PTPN22: variants seen among roughly 807,000 people sequenced by gnomAD.
PTPN22 encodes the protein tyrosine-protein phosphatase non-receptor type 22.
PTPN22 carries 85 observed loss-of-function variants against 103.3 expected under a neutral mutation model. The observed-to-expected ratio is 0.82, with a 90% CI of 0.69 to 0.99. PTPN22 has a LOEUF of 0.99. PTPN22 is among the 50% of genes least tolerant of loss of function. The pLI, the probability that PTPN22 is intolerant of heterozygous loss-of-function variation, is 0.00. For missense variants in PTPN22, 865 were observed against 936.9 expected (o/e 0.92, Z 1.00); for synonymous variants, 323 against 310.2 (o/e 1.04, Z -0.43).
intron 19 of PTPN22, among the ~76,000 whole-genome samples, chr1:113,822,778 G>A (rs1310373079): frequency 6.6e-6 from 1 of 152,122 alleles, no homozygotes; most frequent in African/African-American, 2.4e-5. Flanking sequence ...TGGCCAACAC[G>A]GTGAAACCTT....
chr1:113,864,942 A>G (rs951132305), intron 1 of PTPN22, among the ~76,000 whole-genome samples: 5 of 152,044 alleles, frequency 3.3e-5, no homozygotes, highest in African/African-American at 1.2e-4. Context: ...ACCAAATGTT[A>G]TCTAGGTAAA....
At chr1:113,813,878 A>G (rs188708951) in exon 21 of PTPN22, 2 of 152,502 alleles carry the variant, frequency 1.3e-5, no homozygotes, top group African/African-American at 4.8e-5. Flanking sequence ...GACAGATAAT[A>G]ATACTTCATT....
At chr1:113,832,859 A>T (rs973819626) in intron 16 of PTPN22, 1 of 337,452 alleles carries the variant, frequency 3.0e-6, no homozygotes, top group Non-Finnish European at 5.4e-6. Flanking sequence ...CAAAGTTTTA[A>T]AAGATTCTCT....
intron 9 of PTPN22, 142 bp from the exon 10 acceptor site, chr1:113,852,246 GA>G: frequency 1.6e-6 from 1 of 625,362 alleles, no homozygotes; most frequent in Non-Finnish European, 2.8e-6. Context: ...TAAAACAAAT[GA>G]GGTTTCTTAT....
intron 20 of PTPN22, among the ~76,000 whole-genome samples, chr1:113,816,065 T>G (rs1661121509): frequency 6.6e-6 from 1 of 152,204 alleles, no homozygotes; most frequent in Non-Finnish European, 1.5e-5. Context: ...TATAGGGGAA[T>G]AATAAAATGA....
chr1:113,829,402 G>A (rs1662357402), intron 18 of PTPN22, among the ~76,000 whole-genome samples, 190 bp downstream of exon 18: 1 of 152,090 alleles, frequency 6.6e-6, no homozygotes, highest in South Asian at 2.1e-4. Flanking sequence ...CTCTCCCTCT[G>A]ACAAATGCCT....
At chr1:113,828,526 T>C (rs915189272) in intron 18 of PTPN22, among the ~76,000 whole-genome samples, 5 of 152,236 alleles carry the variant, frequency 3.3e-5, no homozygotes, top group Non-Finnish European at 7.3e-5. Flanking sequence ...TCCCCTGATT[T>C]TGAGATACCA....
chr1:113,852,131 C>T (rs546719377), intron 9 of PTPN22, 27 bp from the exon 10 acceptor site: 241 of 1,508,742 alleles, frequency 1.6e-4, no homozygotes, highest in Non-Finnish European at 2.1e-4. Flanking sequence ...GAAAATATTC[C>T]TTTCAATATT....
chr1:113,842,341 T>A (rs907504408), intron 11 of PTPN22, among the ~76,000 whole-genome samples: 1 of 152,016 alleles, frequency 6.6e-6, no homozygotes, highest in Admixed American at 6.6e-5. Flanking sequence ...AAAATCACAA[T>A]GAGATACCAC....
chr1:113,827,287 C>A (rs933244075), intron 18 of PTPN22, among the ~76,000 whole-genome samples: 1 of 152,056 alleles, frequency 6.6e-6, no homozygotes, highest in African/African-American at 2.4e-5. Context: ...GTCAGGAAAT[C>A]CTAGTAAAAA....
intron 11 of PTPN22, among the ~76,000 whole-genome samples, chr1:113,843,404 A>G (rs1663781417): frequency 6.6e-6 from 1 of 152,194 alleles, no homozygotes; most frequent in Admixed American, 6.5e-5. Context: ...CCTTGAGGAC[A>G]TTACGCTAAG....
At chr1:113,845,941 C>A (rs997413286) in intron 11 of PTPN22, among the ~76,000 whole-genome samples, 15 of 152,294 alleles carry the variant, frequency 9.8e-5, no homozygotes, top group African/African-American at 3.1e-4. Flanking sequence ...CATAGCCACT[C>A]CTGCTTTCCT....
intron 11 of PTPN22, among the ~76,000 whole-genome samples, chr1:113,845,344 A>T (rs1663964619): frequency 6.6e-6 from 1 of 151,746 alleles, no homozygotes; most frequent in African/African-American, 2.4e-5. Context: ...CTGGGATTAC[A>T]GGTGCCCACC....
intron 1 of PTPN22, among the ~76,000 whole-genome samples, chr1:113,871,130 A>G (rs527885032): frequency 1.7e-4 from 26 of 152,312 alleles, no homozygotes; most frequent in Admixed American, 1.6e-3. Context: ...CCCAGAGGGG[A>G]GGCTAAAAAT....
At chr1:113,829,504 C>T in intron 18 of PTPN22, 88 bp downstream of exon 18, 13 of 627,896 alleles carry the variant, frequency 2.1e-5, no homozygotes, top group South Asian at 8.5e-5. Flanking sequence ...GATATTTAAT[C>T]TAATTTTCCA....
intron 1 of PTPN22, among the ~76,000 whole-genome samples, chr1:113,869,488 G>A (rs897613420): frequency 1.3e-4 from 19 of 151,530 alleles, no homozygotes; most frequent in African/African-American, 4.1e-4. Flanking sequence ...TCTGCCTCCC[G>A]AGTTTAAGCG....
rs1023289021 is a variant in PTPN22, at chr1:113,848,578, G to A, written c.877C>T (p.Gln293Ter). ...TGTTTATCTCTGATAACATCCATCT[G>A]TCTCTTAAATAGTTCTAATACAGCA... is the stretch of plus-strand genomic sequence containing the variant. Residue 293 changes from glutamine to a stop codon, truncating the protein, a stop_gained, in exon 11 of 21, where the codon CAG becomes TAG. Coordinates refer to ENST00000359785, the Ensembl canonical transcript of PTPN22. LOFTEE classifies it high-confidence loss of function. 6.2e-7 allele frequency: 1 copy of A among 1,613,428 alleles called. No homozygotes were observed. The highest frequency in any genetic ancestry group is 1.3e-5 in the African/African-American group (1 of 74,968).
At chr1:113,870,535 G>A (rs1052707818) in intron 1 of PTPN22, among the ~76,000 whole-genome samples, 1 of 152,142 alleles carries the variant, frequency 6.6e-6, no homozygotes, top group African/African-American at 2.4e-5. Flanking sequence ...TCTCTCAAAG[G>A]AGATTCACTG....
chr1:113,829,562 C>T, intron 18 of PTPN22, 30 bp downstream of exon 18: 1 of 1,342,098 alleles, frequency 7.5e-7, no homozygotes, highest in Non-Finnish European at 1.0e-6. Flanking sequence ...AAGTTTCCGG[C>T]ATGTTTCCCA....
Sources: gnomAD v4.1 joint callset for allele counts (sites outside exome capture counted in the v4.1 genomes callset) on GRCh38, gnomAD v4.1.1 for gene constraint, MANE v1.5 for transcripts, NCBI Gene and HGNC (gene_info 2026-07-23, HGNC 2026-07-21) for gene names.